The following PPARGC1B variants were observed in gnomAD, a reference collection of about 807,000 sequenced individuals.
PPARGC1B encodes the protein PPARG coactivator 1 beta, also known as peroxisome proliferator-activated receptor gamma coactivator 1-beta.
PPARGC1B carries 34 observed loss-of-function variants against 101.6 expected under a neutral mutation model. The ratio of observed to expected loss-of-function variants is 0.33; its 90% CI spans 0.25 to 0.45. The LOEUF (loss-of-function observed/expected upper bound fraction) is 0.45, where lower values mean the gene tolerates loss of function less well. PPARGC1B is among the 20% of genes least tolerant of loss of function. PPARGC1B has a pLI of 1.00. For missense variants in PPARGC1B, 1,234 were observed against 1,317.6 expected, an observed-to-expected ratio of 0.94 and a Z score of 0.98; for synonymous variants, 548 against 539.3, an observed-to-expected ratio of 1.02 and a Z score of -0.22.
chr5:149,826,841 G>A lies in PPARGC1B; in HGVS notation c.421G>A (p.Glu141Lys), dbSNP rs1349190720. The A allele has an allele frequency of 6.2e-7, 1 of 1,613,822 alleles. No individual in the cohort carries two copies. The highest frequency in any genetic ancestry group is 2.2e-5 in the East Asian group (1 of 44,878). Residue 141 changes from glutamate (E) to lysine (K), a missense_variant, in exon 3 of 12, where the codon GAG becomes AAG. Physicochemically the swap from Glu to Lys is moderately conservative, Grantham distance 56. Transcript: ENST00000309241. ...PSSAPPSPAP[E>K]KPSAPAPEVD... The stretch of plus-strand genomic sequence containing the variant: ...ATCTGCACCCCCCAGCCCTGCCCCG[G>A]AGAAGCCCTCGGCCCCAGCCCCTGA...
rs374956464 is a variant in PPARGC1B at position 149,770,155 on chromosome 5, T to C, written c.78+39735T>C. 2.0e-3 allele frequency among the ~76,000 whole-genome samples: 305 copies of C among 152,180 alleles called. 1 individual carries two copies. The highest frequency in any genetic ancestry group is 6.9e-3 in the African/African-American group (288 of 41,520). ...CTTCCTTTTATATATCCTTTTTTAA[T>C]ATTTATTTTTATTTTTAAGACATCA... On this transcript the variant is annotated intron_variant, in intron 1 of 11. Transcript: ENST00000309241.
At position 149,836,778 on chromosome 5, in the gene PPARGC1B, C is replaced by T. The variant is rs1759101832; in HGVS notation, c.2323C>T (p.Leu775=). 2 of 1,613,666 alleles carry T rather than the reference C, an allele frequency of 1.2e-6. No homozygotes were observed. The highest frequency in any genetic ancestry group is 2.7e-5 in the African/African-American group (2 of 75,056). The change falls in exon 8 of 12, where the codon CTG becomes TTG. Residue 775 remains leucine, a synonymous_variant. Coordinates refer to ENST00000309241, the MANE Select transcript of PPARGC1B (RefSeq NM_133263.4). The part of the protein sequence containing the change: ...TKHFGLLETA[L]EEEDLASCKS... The stretch of plus-strand genomic sequence containing the variant: ...ACACTTTGGGCTGCTGGAGACCGCC[C>T]TGGAGGAGGAAGACCTGGCCTCCTG...
chr5:149,781,177 C>T (rs895779223), intron 1 of PPARGC1B, among the ~76,000 whole-genome samples: 2 of 150,792 alleles, frequency 1.3e-5, no homozygotes, highest in African/African-American at 4.9e-5. Flanking sequence ...TGCACTCCAG[C>T]CTGAGTGACA....
Position 149,854,845 on chromosome 5 carries a change from A to G in PPARGC1B, c.*7287A>G, listed in dbSNP as rs1206700974. The G allele has an allele frequency of 6.6e-6, 1 of 152,202 alleles. No homozygotes were observed. Among genetic ancestry groups the G allele is most frequent in the Admixed American group, 6.5e-5 (1 of 15,270 alleles). 9.4% of individuals were successfully genotyped at this position (152,202 alleles called of 1,614,324 possible). On this transcript the variant is annotated 3_prime_UTR_variant, in exon 12 of 12. Coordinates refer to ENST00000309241, the MANE Select transcript of PPARGC1B (RefSeq NM_133263.4). ...TTCTGTGAGTATAAAGTTCTATTTTAATGTCTGTAAATACTTCAGAACTGG... is the reference window on the plus strand; with the variant it reads ...TTCTGTGAGTATAAAGTTCTATTTTGATGTCTGTAAATACTTCAGAACTGG...
Position 149,852,954 on chromosome 5 carries a change from A to T in PPARGC1B, c.*5396A>T, listed in dbSNP as rs532227717. ...ACATCCGGAAGGAGTACAAAAATCC[A>T]ACTGCCCAAATTTGGGGCTTGGAAA... is the stretch of plus-strand genomic sequence containing the variant. On this transcript the variant is annotated 3_prime_UTR_variant, in exon 12 of 12. Coordinates refer to ENST00000309241, the MANE Select transcript of PPARGC1B (RefSeq NM_133263.4). 9.4e-4 allele frequency: 143 copies of T among 152,276 alleles called. No individual in the cohort carries two copies. Among genetic ancestry groups the T allele is most frequent in the African/African-American group, 3.3e-3 (136 of 41,550 alleles). The allele number at this position is 152,276 out of a possible 1,614,324, so 9.4% of individuals were successfully genotyped here. A position where few individuals can be genotyped will look rare whatever the true frequency, so the allele number is the denominator to read the frequency against.
At chr5:149,817,119 T>G (rs109077) in intron 1 of PPARGC1B, among the ~76,000 whole-genome samples, 63,419 of 152,020 alleles carry the variant, frequency 0.42, 14,932 homozygotes, top group African/African-American at 0.63. Flanking sequence ...TGCCTCTGAC[T>G]GTCCCTCTGC....
At position 149,809,350 on chromosome 5, in the gene PPARGC1B, CATAGATAGATAGATAGATAG is replaced by C. The variant is rs374136678; in HGVS notation, c.79-11060_79-11041del. Among the ~76,000 whole-genome samples, 48 of 34,866 alleles carry C rather than the reference CATAGATAGATAGATAGATAG, an allele frequency of 1.4e-3. 1 individual carries two copies. The highest frequency in any genetic ancestry group is 2.2e-3 in the Non-Finnish European group (42 of 19,232). The allele number at this position is 34,866 out of a possible 152,430, so 22.9% of individuals were successfully genotyped here. A position where few individuals can be genotyped will look rare whatever the true frequency, so the allele number is the denominator to read the frequency against. ...GATAGATAGATAGATCCATCTCTACCATAGATAGATAGATAGATAGATAGATAGATAGATAGATAGATCCA... is the reference window on the plus strand; with the variant it reads ...GATAGATAGATAGATCCATCTCTACCATAGATAGATAGATAGATAGATCCA... On this transcript the variant is annotated intron_variant, in intron 1 of 11. Coordinates refer to ENST00000309241, the MANE Select transcript of PPARGC1B (RefSeq NM_133263.4).
At chr5:149,743,248 T>C (rs1324390820) in intron 1 of PPARGC1B, among the ~76,000 whole-genome samples, 3 of 149,098 alleles carry the variant, frequency 2.0e-5, no homozygotes, top group Non-Finnish European at 4.5e-5. Flanking sequence ...CTCTGCCTCC[T>C]GGGTTCAACT....
intron 1 of PPARGC1B, among the ~76,000 whole-genome samples, chr5:149,809,490 ATAG>A (rs1757759479): frequency 1.4e-5 from 1 of 69,542 alleles, no homozygotes; most frequent in Non-Finnish European, 3.9e-5. Context: ...AGATAGATAG[ATAG>A]ATAGATAGAT....
rs1029955185 is a variant in PPARGC1B, at chr5:149,838,077, C to T, written c.2618+1004C>T. Reference sequence around the variant, plus strand: ...CTCTGAGACCAGAATTTAGGTCTTGCGAAGATACCTCTTCTTCCCTTCTAA... The same window carrying T: ...CTCTGAGACCAGAATTTAGGTCTTGTGAAGATACCTCTTCTTCCCTTCTAA... On this transcript the variant is annotated intron_variant, in intron 8 of 11. Transcript: ENST00000309241. 6.6e-5 allele frequency among the ~76,000 whole-genome samples: 10 copies of T among 152,102 alleles called. No homozygotes were observed. In the South Asian group the frequency reaches 8.3e-4, roughly 13 times the overall value.
chr5:149,741,773 G>A (rs562747183), intron 1 of PPARGC1B, among the ~76,000 whole-genome samples: 25 of 152,030 alleles, frequency 1.6e-4, no homozygotes, highest in South Asian at 6.2e-4. Flanking sequence ...GATTACAGGC[G>A]TCTGCCACCA....
intron 1 of PPARGC1B, among the ~76,000 whole-genome samples, chr5:149,751,702 T>C (rs1454900351): frequency 6.9e-6 from 1 of 145,256 alleles, no homozygotes; most frequent in East Asian, 2.0e-4. Context: ...GAAGACTCTG[T>C]CCAAAAGAAA....
At position 149,836,941 on chromosome 5, in the gene PPARGC1B, C is replaced by G. The variant is rs1366422647; in HGVS notation, c.2486C>G (p.Pro829Arg). The change falls in exon 8 of 12, where the codon CCC becomes CGC. Residue 829 changes from proline (P) to arginine (R), a missense_variant. Around this residue, in one of 3 missense-constraint regions of PPARGC1B, gnomAD observed 497 missense variants for 529.5 expected, o/e 0.94. Transcript: ENST00000309241. ...GAAGAAGAGGACTCAGGGGTCAGCC[C>G]CACTTGCTCTGACCACTGCCCCTAC... ...DDEEEDSGVS[P>R]TCSDHCPYQS... is the part of the protein sequence containing the mutation. 1.2e-6 allele frequency: 2 copies of G among 1,613,976 alleles called. No homozygotes were observed. Among genetic ancestry groups the G allele is most frequent in the Middle Eastern group, 1.6e-4 (1 of 6,062 alleles).
At position 149,730,381 on chromosome 5, in the gene PPARGC1B, G is replaced by T. The variant is rs1023798345; in HGVS notation, c.39G>T (p.Glu13Asp). The change falls in exon 1 of 12, where the codon GAG (glutamate) becomes GAT (aspartate). Residue 13 changes from glutamate to aspartate, a missense_variant. Glu to Asp is a conservative substitution (Grantham distance 45, BLOSUM62 2). Coordinates refer to ENST00000309241, the MANE Select transcript of PPARGC1B (RefSeq NM_133263.4). This position sits in a 1 kb window ranked among gnomAD's most constrained non-coding sequence, Gnocchi z 4.0. ...GNDCGALLDE[E>D]LSSFFLNYLA... ...ACTGCGGCGCGCTGCTGGACGAAGA[G>T]CTCTCCTCCTTCTTCCTCAACTATC... 5 of 1,575,832 alleles carry T rather than the reference G, an allele frequency of 3.2e-6. No individual in the cohort carries two copies. Among genetic ancestry groups the T allele is most frequent in the Non-Finnish European group, 4.3e-6 (5 of 1,163,672 alleles).
Position 149,832,650 on chromosome 5 carries a change from C to G in PPARGC1B, c.583-6C>G. The G allele has an allele frequency of 6.5e-7, 1 of 1,528,394 alleles. No homozygotes were observed. The allele number at this position is 1,528,394 out of a possible 1,614,324, so 94.7% of individuals were successfully genotyped here. ...CTTCCTCACTCTGGCCTCTCTCCCT[C>G]TCTAGGCGGACAGCACCCAAGACAA... On this transcript the variant is annotated splice_polypyrimidine_tract_variant and splice_region_variant and intron_variant, in intron 4 of 11. Coordinates refer to ENST00000309241, the MANE Select transcript of PPARGC1B (RefSeq NM_133263.4). This position sits in a 1 kb window ranked among gnomAD's most constrained non-coding sequence, Gnocchi z 4.9.
intron 1 of PPARGC1B, among the ~76,000 whole-genome samples, chr5:149,762,406 C>G (rs1456675336): frequency 6.6e-6 from 1 of 152,154 alleles, no homozygotes; most frequent in Non-Finnish European, 1.5e-5. Context: ...CCTTGGACTC[C>G]CAAAGTGCTG....
chr5:149,750,453 A>AAAAT (rs1223165218), intron 1 of PPARGC1B, among the ~76,000 whole-genome samples: 2 of 123,240 alleles, frequency 1.6e-5, no homozygotes, highest in Non-Finnish European at 3.4e-5. Flanking sequence ...TTTTAGTTAA[A>AAAAT]ATATATATAT....
chr5:149,788,319 GA>G (rs1163666276), intron 1 of PPARGC1B, among the ~76,000 whole-genome samples: 1 of 152,186 alleles, frequency 6.6e-6, no homozygotes, highest in Non-Finnish European at 1.5e-5. Context: ...AAAGACACAT[GA>G]AAAAATGCTC....
chr5:149,807,830 C>T (rs9324630), intron 1 of PPARGC1B, among the ~76,000 whole-genome samples: 40,409 of 151,974 alleles, frequency 0.27, 5,793 homozygotes, highest in East Asian at 0.32. Flanking sequence ...CACTAAATGG[C>T]GTGACCCGAG....
Sources: gnomAD v4.1 joint callset for allele counts (sites outside exome capture counted in the v4.1 genomes callset) on GRCh38, gnomAD v4.1.1 for gene constraint, gnomAD v4.1.1 regional missense constraint, Gnocchi (gnomAD v3.1) non-coding constraint, MANE v1.5 for transcripts, NCBI Gene and HGNC (gene_info 2026-07-23, HGNC 2026-07-21) for gene names.